Variants in PPM1L observed in about 807,000 individuals in gnomAD.
The protein encoded by PPM1L is protein phosphatase, Mg2+/Mn2+ dependent 1L.
PPM1L carries 13 observed loss-of-function variants against 31.4 expected under a neutral mutation model. That is an observed-to-expected ratio of 0.41 (90% CI 0.27 to 0.66). The LOEUF is 0.66. Ranked by LOEUF, PPM1L falls within the 30% of genes least tolerant of loss-of-function variation. The pLI is 0.29. For synonymous variants in PPM1L, 184 were observed against 175.4 expected, an observed-to-expected ratio of 1.05 and a Z score of -0.39; for missense variants, 326 against 453.7, an observed-to-expected ratio of 0.72 and a Z score of 2.56.
At chr3:160,771,283 G>T (rs748746476) in intron 1 of PPM1L, among the ~76,000 whole-genome samples, 9 of 151,652 alleles carry the variant, frequency 5.9e-5, no homozygotes, top group Non-Finnish European at 1.0e-4. Flanking sequence ...TTTGAGACAG[G>T]TCTCACTCTG....
At chr3:160,782,645 A>G (rs1711782466) in intron 1 of PPM1L, among the ~76,000 whole-genome samples, 6 of 152,188 alleles carry the variant, frequency 3.9e-5, no homozygotes, top group Admixed American at 3.9e-4. Flanking sequence ...AACATGATTG[A>G]CTTTCTTAAA....
chr3:160,955,945 C>T (rs576628043), intron 1 of PPM1L, among the ~76,000 whole-genome samples: 30 of 152,302 alleles, frequency 2.0e-4, no homozygotes, highest in African/African-American at 6.7e-4. Flanking sequence ...TGAGCCACCA[C>T]GCTGGGCCGA....
intron 1 of PPM1L, among the ~76,000 whole-genome samples, chr3:160,885,522 C>T (rs986369431): frequency 6.6e-6 from 1 of 152,200 alleles, no homozygotes; most frequent in Non-Finnish European, 1.5e-5. Flanking sequence ...ACCAAGATAT[C>T]CAGGTTCTCT....
intron 1 of PPM1L, among the ~76,000 whole-genome samples, chr3:160,828,139 G>A (rs1335091345): frequency 1.3e-5 from 2 of 152,032 alleles, no homozygotes; most frequent in African/African-American, 2.4e-5. Context: ...TTTGAGGGGT[G>A]GGGAGTGGGG....
chr3:161,057,048 A>C (rs1175743563), intron 2 of PPM1L, among the ~76,000 whole-genome samples: 4 of 151,154 alleles, frequency 2.6e-5, no homozygotes, highest in African/African-American at 7.3e-5. Context: ...GGGCAACAAG[A>C]GTGAACTCCA....
At chr3:160,792,180 C>T (rs1054786619) in intron 1 of PPM1L, among the ~76,000 whole-genome samples, 1 of 152,092 alleles carries the variant, frequency 6.6e-6, no homozygotes, top group Non-Finnish European at 1.5e-5. Context: ...GGCTAAGACA[C>T]GTAACTAATT....
At chr3:160,893,354 A>G (rs1372513845) in intron 1 of PPM1L, among the ~76,000 whole-genome samples, 1 of 152,210 alleles carries the variant, frequency 6.6e-6, no homozygotes, top group African/African-American at 2.4e-5. Context: ...CATCATGAAT[A>G]GTATATAGTG....
At chr3:160,895,249 G>T (rs1713294148) in intron 1 of PPM1L, among the ~76,000 whole-genome samples, 1 of 152,176 alleles carries the variant, frequency 6.6e-6, no homozygotes, top group Admixed American at 6.5e-5. Context: ...ATCTCATTCT[G>T]TTACCCAGGC....
intron 1 of PPM1L, among the ~76,000 whole-genome samples, chr3:160,785,589 C>G (rs749797160): frequency 2.6e-5 from 4 of 152,154 alleles, no homozygotes; most frequent in Non-Finnish European, 5.9e-5. Context: ...CTATGTGATT[C>G]TAGCTTCCTT....
chr3:160,976,881 C>T (rs1045833221), intron 2 of PPM1L, among the ~76,000 whole-genome samples: 154 of 152,134 alleles, frequency 1.0e-3, no homozygotes, highest in Non-Finnish European at 1.6e-3. Context: ...CCTTCAGTTC[C>T]GCTCTGATTT....
intron 1 of PPM1L, among the ~76,000 whole-genome samples, chr3:160,956,149 T>C (rs765409483): frequency 2.0e-5 from 3 of 152,248 alleles, no homozygotes; most frequent in Non-Finnish European, 4.4e-5. Flanking sequence ...ATCATTCTGC[T>C]TCTTTTCATT....
chr3:160,930,529 C>T (rs371441049), intron 1 of PPM1L, among the ~76,000 whole-genome samples: 4 of 152,166 alleles, frequency 2.6e-5, no homozygotes, highest in East Asian at 3.9e-4. Flanking sequence ...TGCTTGTAAC[C>T]GAATTCCGGT....
At chr3:160,948,487 T>C (rs964220045) in intron 1 of PPM1L, among the ~76,000 whole-genome samples, 3 of 152,186 alleles carry the variant, frequency 2.0e-5, no homozygotes, top group Admixed American at 1.3e-4. Context: ...GTTCTTACCA[T>C]GCCTGGGATG....
intron 1 of PPM1L, among the ~76,000 whole-genome samples, chr3:160,870,936 T>C (rs1457975065): frequency 6.6e-6 from 1 of 152,082 alleles, no homozygotes; most frequent in African/African-American, 2.4e-5. Context: ...GGTAGACAAA[T>C]GGGACCTGCC....
intron 1 of PPM1L, among the ~76,000 whole-genome samples, chr3:160,907,452 T>C (rs570511859): frequency 3.3e-5 from 5 of 152,218 alleles, no homozygotes; most frequent in Non-Finnish European, 5.9e-5. Context: ...CATAACATTA[T>C]TTTTAAAAAT....
intron 2 of PPM1L, among the ~76,000 whole-genome samples, chr3:161,024,575 G>A (rs1021396437): frequency 3.3e-5 from 5 of 151,972 alleles, no homozygotes; most frequent in Admixed American, 1.3e-4. Context: ...GCACATGCCT[G>A]TAATCCCAGC....
At chr3:160,785,501 C>T (rs1006067273) in intron 1 of PPM1L, among the ~76,000 whole-genome samples, 1 of 152,132 alleles carries the variant, frequency 6.6e-6, no homozygotes, top group Non-Finnish European at 1.5e-5. Flanking sequence ...ATCTCTAAAA[C>T]CCCTCCCCAG....
Position 160,945,105 on chromosome 3 carries a change from CA to C in PPM1L, c.400-16630del, listed in dbSNP as rs751646463. On this transcript the variant is annotated intron_variant, in intron 1 of 3. Transcript: ENST00000498165. ...ACTATATATAACATGTTATATATAA[CA>C]TATATGTTATCTATCTATCTATCTA... is the stretch of plus-strand genomic sequence containing the variant. 1.0e-3 allele frequency among the ~76,000 whole-genome samples: 53 copies of C among 50,792 alleles called. 2 individuals are homozygous for C. The highest frequency in any genetic ancestry group is 2.5e-3 in the East Asian group (6 of 2,434). 33.3% of individuals were successfully genotyped at this position (50,792 alleles called of 152,430 possible). A position where few individuals can be genotyped will look rare whatever the true frequency, so the allele number is the denominator to read the frequency against.
At chr3:160,826,238 T>G (rs1713353484) in intron 1 of PPM1L, among the ~76,000 whole-genome samples, 1 of 152,160 alleles carries the variant, frequency 6.6e-6, no homozygotes, top group African/African-American at 2.4e-5. Context: ...GACATTGCAC[T>G]GATGTTTGGG....
Sources: allele counts gnomAD v4.1 joint callset (sites outside exome capture counted in the v4.1 genomes callset), GRCh38; gene constraint gnomAD v4.1.1; transcripts MANE v1.5; gene names NCBI Gene and HGNC (gene_info 2026-07-23, HGNC 2026-07-21).